The following SLC8A1 variants were observed in gnomAD, a reference collection of about 807,000 sequenced individuals.
SLC8A1 encodes solute carrier family 8 member A1, also known as sodium/calcium exchanger 1.
Under a neutral mutation model 68.3 loss-of-function variants are expected in SLC8A1, and 18 were observed. That is an observed-to-expected ratio of 0.26 (90% CI 0.18 to 0.39). The LOEUF is 0.39. Among genes scored for constraint, SLC8A1 ranks in the 10% least tolerant of loss-of-function variants. The probability of loss-of-function intolerance (pLI) is 1.00; values close to 1 mark genes in which losing one functional copy is unlikely to be tolerated. For synonymous variants in SLC8A1, 475 were observed against 415.5 expected (o/e 1.14, Z -1.74); for missense variants, 985 against 1,156.7 (o/e 0.85, Z 2.15).
chr2:40,299,170 G>A (rs2149260069), intron 2 of SLC8A1, among the ~76,000 whole-genome samples: 1 of 152,272 alleles, frequency 6.6e-6, no homozygotes, highest in Non-Finnish European at 1.5e-5. Context: ...AGCCATGTGA[G>A]GCTGTTGGGC....
intron 2 of SLC8A1, among the ~76,000 whole-genome samples, chr2:40,371,195 G>A (rs1559420754): frequency 6.6e-6 from 1 of 152,104 alleles, no homozygotes; most frequent in Non-Finnish European, 1.5e-5. Context: ...GGTGTTCACA[G>A]GAAAGTCTAG....
intron 2 of SLC8A1, among the ~76,000 whole-genome samples, chr2:40,363,475 T>C (rs1010748767): frequency 9.2e-5 from 14 of 152,014 alleles, no homozygotes; most frequent in Non-Finnish European, 1.8e-4. Context: ...CTTGTGAAGA[T>C]TAGAGATGAT....
intron 2 of SLC8A1, among the ~76,000 whole-genome samples, chr2:40,196,372 CA>C: frequency 6.6e-6 from 1 of 152,028 alleles, no homozygotes; most frequent in Non-Finnish European, 1.5e-5. Context: ...TCAGTAAATA[CA>C]AGGCTCATTT....
intron 2 of SLC8A1, among the ~76,000 whole-genome samples, chr2:40,277,415 C>T (rs2066863086): frequency 6.6e-6 from 1 of 152,016 alleles, no homozygotes; most frequent in South Asian, 2.1e-4. Flanking sequence ...TGGTGGGTGC[C>T]TGTAATCCCA....
At chr2:40,237,005 C>A (rs974504247) in intron 2 of SLC8A1, among the ~76,000 whole-genome samples, 4 of 149,562 alleles carry the variant, frequency 2.7e-5, no homozygotes, top group Non-Finnish European at 5.9e-5. Flanking sequence ...TGAGGGTAAC[C>A]CGACCTTTCT....
intron 2 of SLC8A1, among the ~76,000 whole-genome samples, chr2:40,253,672 C>G (rs745912072): frequency 6.6e-6 from 1 of 151,488 alleles, no homozygotes; most frequent in Non-Finnish European, 1.5e-5. Context: ...CTAAAAAATA[C>G]AAAAAGTAGC....
chr2:40,163,040 T>C (rs1465123852), intron 5 of SLC8A1, among the ~76,000 whole-genome samples: 1 of 152,132 alleles, frequency 6.6e-6, no homozygotes, highest in African/African-American at 2.4e-5. Context: ...TAACGTGCCT[T>C]GTAGGTATTA....
chr2:40,300,481 C>T (rs747736168), intron 2 of SLC8A1, among the ~76,000 whole-genome samples: 4 of 152,130 alleles, frequency 2.6e-5, no homozygotes, highest in Non-Finnish European at 5.9e-5. Flanking sequence ...TTATTTGTTT[C>T]GTAGGCTGGC....
At chr2:40,281,260 G>T (rs986120958) in intron 2 of SLC8A1, among the ~76,000 whole-genome samples, 1 of 152,034 alleles carries the variant, frequency 6.6e-6, no homozygotes, top group African/African-American at 2.4e-5. Flanking sequence ...AAAAAAAAAG[G>T]GTTGGGGGGG....
At chr2:40,502,309 C>T (rs560503560) in intron 1 of SLC8A1, among the ~76,000 whole-genome samples, 22 of 152,198 alleles carry the variant, frequency 1.4e-4, no homozygotes, top group African/African-American at 4.6e-4. Flanking sequence ...CTTCCATCTT[C>T]CCTCTCAGGT....
At chr2:40,138,528 G>A (rs1431685515) in intron 7 of SLC8A1, among the ~76,000 whole-genome samples, 1 of 152,172 alleles carries the variant, frequency 6.6e-6, no homozygotes, top group Admixed American at 6.5e-5. Context: ...ATGCTAATTA[G>A]TGCTGGAGAC....
intron 2 of SLC8A1, among the ~76,000 whole-genome samples, chr2:40,273,103 C>T (rs190920456): frequency 8.7e-4 from 132 of 152,114 alleles, no homozygotes; most frequent in African/African-American, 2.9e-3. Context: ...CCACCAAGTC[C>T]GGCTAATTTT....
intron 6 of SLC8A1, among the ~76,000 whole-genome samples, chr2:40,150,682 C>A (rs554782469): frequency 6.6e-6 from 1 of 152,178 alleles, no homozygotes; most frequent in Non-Finnish European, 1.5e-5. Flanking sequence ...CCCTTCAATA[C>A]GGTGTTTTCC....
chr2:40,284,671 T>C (rs922469289), intron 2 of SLC8A1, among the ~76,000 whole-genome samples: 1 of 149,770 alleles, frequency 6.7e-6, no homozygotes, highest in South Asian at 2.1e-4. Flanking sequence ...AATATATATA[T>C]ACACACACAC....
At chr2:40,283,465 G>A (rs2067809058) in intron 2 of SLC8A1, among the ~76,000 whole-genome samples, 1 of 152,172 alleles carries the variant, frequency 6.6e-6, no homozygotes, top group South Asian at 2.1e-4. Context: ...AAAGGTGTTT[G>A]TTAGATCCTC....
At chr2:40,253,010 T>G (rs2063126359) in intron 2 of SLC8A1, among the ~76,000 whole-genome samples, 1 of 125,234 alleles carries the variant, frequency 8.0e-6, no homozygotes, top group Non-Finnish European at 1.7e-5. Flanking sequence ...CATATATATG[T>G]ATCTGTATAT....
chr2:40,097,673 G>A (rs1325997693), exon 8 of SLC8A1: 1 of 151,960 alleles, frequency 6.6e-6, no homozygotes, highest in African/African-American at 2.4e-5. Flanking sequence ...ATGATAGTAT[G>A]GTTGAAATCA....
At chr2:40,315,255 G>A (rs992471148) in intron 2 of SLC8A1, among the ~76,000 whole-genome samples, 1 of 151,772 alleles carries the variant, frequency 6.6e-6, no homozygotes, top group South Asian at 2.1e-4. Flanking sequence ...ATGATCATAT[G>A]TTTTCCCTTT....
At position 40,276,555 on chromosome 2, in the gene SLC8A1, G is replaced by A. The variant is rs541386846; in HGVS notation, c.1809-98700C>T. On this transcript the variant is annotated intron_variant, in intron 2 of 7. Coordinates refer to ENST00000406785, the Ensembl canonical transcript of SLC8A1. ...GGAAACTACAGGTTTAAAGGACAGA[G>A]ACTCTCATCTATCAAAGCAACTGAG... 2.6e-5 allele frequency among the ~76,000 whole-genome samples: 4 copies of A among 152,292 alleles called. No individual in the cohort carries two copies. In the East Asian group the frequency reaches 7.7e-4, roughly 29 times the overall value.
Sources: gnomAD v4.1 joint callset for allele counts (sites outside exome capture counted in the v4.1 genomes callset) on GRCh38, gnomAD v4.1.1 for gene constraint, MANE v1.5 for transcripts, NCBI Gene and HGNC (gene_info 2026-07-23, HGNC 2026-07-21) for gene names.